The following TMEM51 variants were observed in gnomAD, a reference collection of about 807,000 sequenced individuals.
TMEM51 encodes the protein transmembrane protein 51, also known as chromosome 1 open reading frame 72.
TMEM51 carries 8 observed loss-of-function variants against 13.6 expected under a neutral mutation model. The ratio of observed to expected loss-of-function variants is 0.59; its 90% confidence interval spans 0.35 to 1.07. The LOEUF (loss-of-function observed/expected upper bound fraction) is 1.07, where lower values mean the gene tolerates loss of function less well. Ranked by LOEUF, TMEM51 falls within the 50% of genes least tolerant of loss-of-function variation. The pLI is 0.02. For missense variants in TMEM51, 279 were observed against 330.7 expected, an observed-to-expected ratio of 0.84 and a Z score of 1.21; for synonymous variants, 147 against 144.4, an observed-to-expected ratio of 1.02 and a Z score of -0.13.
intron 1 of TMEM51, among the ~76,000 whole-genome samples, chr1:15,206,043 C>A (rs979459301): frequency 6.6e-6 from 1 of 152,076 alleles, no homozygotes; most frequent in African/African-American, 2.4e-5. Context: ...TCGAGACCAG[C>A]CTGGGCAACA....
chr1:15,206,971 G>A (rs1039473775), intron 1 of TMEM51, among the ~76,000 whole-genome samples: 1 of 152,218 alleles, frequency 6.6e-6, no homozygotes, highest in Admixed American at 6.5e-5. Flanking sequence ...CTCCCAGGCA[G>A]GACAGGAGCA....
chr1:15,158,475 A>C (rs1642660614), intron 1 of TMEM51, among the ~76,000 whole-genome samples: 1 of 152,100 alleles, frequency 6.6e-6, no homozygotes, highest in South Asian at 2.1e-4. Flanking sequence ...AACCCATCCA[A>C]GTGCCGCCAC....
chr1:15,153,223 C>G (rs1013587221), upstream of TMEM51, among the ~76,000 whole-genome samples: 3 of 61,060 alleles, frequency 4.9e-5, no homozygotes, highest in South Asian at 6.3e-4. Flanking sequence ...GGTGGCCTCC[C>G]CAGGAAGGAG....
At chr1:15,175,396 A>T (rs1240493157) in intron 1 of TMEM51, among the ~76,000 whole-genome samples, 1 of 152,144 alleles carries the variant, frequency 6.6e-6, no homozygotes, top group Non-Finnish European at 1.5e-5. Context: ...GCGAAACTCC[A>T]TCTCAACAAA....
At chr1:15,197,114 G>C (rs1644065478) in intron 1 of TMEM51, among the ~76,000 whole-genome samples, 1 of 152,236 alleles carries the variant, frequency 6.6e-6, no homozygotes, top group Non-Finnish European at 1.5e-5. Context: ...CTATGCAATG[G>C]AGGAGTGTCT....
At chr1:15,197,953 A>G (rs1452307266) in intron 1 of TMEM51, among the ~76,000 whole-genome samples, 1 of 107,074 alleles carries the variant, frequency 9.3e-6, no homozygotes, top group African/African-American at 3.9e-5. Flanking sequence ...GCTATACATG[A>G]CAAAAAAAAA....
At chr1:15,208,096 G>A (rs1015025165) in intron 1 of TMEM51, among the ~76,000 whole-genome samples, 3 of 152,210 alleles carry the variant, frequency 2.0e-5, no homozygotes, top group East Asian at 1.9e-4. Context: ...GACAAGAACC[G>A]TGTTTCAGAG....
At chr1:15,155,495 A>T (rs1642560060) in intron 1 of TMEM51, among the ~76,000 whole-genome samples, 1 of 152,252 alleles carries the variant, frequency 6.6e-6, no homozygotes, top group South Asian at 2.1e-4. Context: ...GTTATGTCAC[A>T]GGGCTTAGAC....
At chr1:15,196,530 C>T (rs1644054048) in intron 1 of TMEM51, among the ~76,000 whole-genome samples, 1 of 152,118 alleles carries the variant, frequency 6.6e-6, no homozygotes, top group Admixed American at 6.5e-5. Context: ...CACCAGCACA[C>T]ACAGCAAGAG....
intron 1 of TMEM51, chr1:15,191,970 T>A (rs1372522086): frequency 1.1e-5 from 6 of 534,446 alleles, no homozygotes; most frequent in African/African-American, 9.6e-5. Context: ...TTAGTGAAGC[T>A]GCGTCTACAA....
intron 1 of TMEM51, among the ~76,000 whole-genome samples, chr1:15,196,344 A>C (rs1644047434): frequency 6.6e-6 from 1 of 152,090 alleles, no homozygotes; most frequent in Admixed American, 6.6e-5. Context: ...TTTACACCAC[A>C]GCGATGGGCC....
chr1:15,216,808 A>G (rs1482161337), intron 3 of TMEM51, among the ~76,000 whole-genome samples: 1 of 152,232 alleles, frequency 6.6e-6, no homozygotes, highest in Non-Finnish European at 1.5e-5. Flanking sequence ...GACCATATCC[A>G]CAACAATGAG....
chr1:15,163,209 G>A (rs1642852296), intron 1 of TMEM51, among the ~76,000 whole-genome samples: 1 of 152,006 alleles, frequency 6.6e-6, no homozygotes, highest in African/African-American at 2.4e-5. Flanking sequence ...TTAGGCAGCA[G>A]GGAGGAGTCA....
intron 1 of TMEM51, among the ~76,000 whole-genome samples, chr1:15,160,489 G>A (rs1256326801): frequency 6.6e-6 from 1 of 151,934 alleles, no homozygotes; most frequent in Non-Finnish European, 1.5e-5. Context: ...GGCCAAGCTG[G>A]TCTTGAACTC....
At chr1:15,178,444 A>G (rs1223253925) in intron 1 of TMEM51, among the ~76,000 whole-genome samples, 1 of 152,154 alleles carries the variant, frequency 6.6e-6, no homozygotes, top group Non-Finnish European at 1.5e-5. Context: ...GCCGGGCCTT[A>G]CCTCGCATTC....
intron 1 of TMEM51, among the ~76,000 whole-genome samples, chr1:15,204,888 G>T (rs1007480587): frequency 2.6e-5 from 4 of 152,068 alleles, no homozygotes; most frequent in African/African-American, 9.7e-5. Flanking sequence ...AGCCTTGTTT[G>T]CCAGGGTCGG....
chr1:15,201,007 G>A (rs1282321557), intron 1 of TMEM51, among the ~76,000 whole-genome samples: 5 of 152,216 alleles, frequency 3.3e-5, no homozygotes, highest in Admixed American at 3.3e-4. Context: ...ACCTGTATAT[G>A]GCACCTGCCA....
At position 15,156,090 on chromosome 1, in the gene TMEM51, G is replaced by A. The variant is rs908341772; in HGVS notation, c.-267+2136G>A. On this transcript the variant is annotated intron_variant, in intron 1 of 3. Transcript: ENST00000376008. ...CTTCACTCATGACTGTTGGTCAAGG[G>A]TAAGATTCTGGGGTTCTACATGAGG... 2.6e-5 allele frequency among the ~76,000 whole-genome samples: 4 copies of A among 152,078 alleles called. No homozygotes were observed. In the South Asian group the frequency reaches 6.2e-4, roughly 24 times the overall value.
chr1:15,201,679 G>A (rs1644158054), intron 1 of TMEM51, among the ~76,000 whole-genome samples: 1 of 152,198 alleles, frequency 6.6e-6, no homozygotes, highest in South Asian at 2.1e-4. Context: ...ATAAAGTGGA[G>A]ATGAGGGAAC....
Sources: gnomAD v4.1 joint callset for allele counts (sites outside exome capture counted in the v4.1 genomes callset) on GRCh38, gnomAD v4.1.1 for gene constraint, MANE v1.5 for transcripts, NCBI Gene and HGNC (gene_info 2026-07-23, HGNC 2026-07-21) for gene names.